Variants in PEAK1 observed in about 807,000 individuals in gnomAD.
The protein encoded by PEAK1 is pseudopodium enriched atypical kinase 1, also known as inactive tyrosine-protein kinase PEAK1.
In PEAK1, 54 loss-of-function variants were observed where a neutral mutation model predicts 124.7. The observed-to-expected ratio is 0.43, with a 90% confidence interval of 0.35 to 0.54. The LOEUF is 0.54. PEAK1 is among the 20% of genes least tolerant of loss of function. The pLI is 0.01. For missense variants in PEAK1, 2,046 were observed against 2,134.5 expected (o/e 0.96, Z 0.82); for synonymous variants, 719 against 760.0 (o/e 0.95, Z 0.89).
intron 2 of PEAK1, among the ~76,000 whole-genome samples, chr15:77,300,774 T>C (rs979563909): frequency 3.3e-5 from 5 of 152,226 alleles, no homozygotes; most frequent in African/African-American, 1.2e-4. Context: ...TTGTTTTTTA[T>C]GACTGTATTC....
At chr15:77,197,932 T>C (rs1465948839) in intron 6 of PEAK1, among the ~76,000 whole-genome samples, 2 of 151,768 alleles carry the variant, frequency 1.3e-5, no homozygotes, top group East Asian at 1.9e-4. Context: ...CCTAGAAATA[T>C]TAAAAAAATT....
At chr15:77,156,807 T>C (rs1471000105) in intron 8 of PEAK1, 3 of 152,258 alleles carry the variant, frequency 2.0e-5, no homozygotes, top group Non-Finnish European at 2.9e-5. Flanking sequence ...TGATATATTA[T>C]GCTGTCTGAG....
At chr15:77,404,281 C>T (rs1595861046) in intron 1 of PEAK1, 1 of 985,364 alleles carries the variant, frequency 1.0e-6, no homozygotes, top group Non-Finnish European at 1.2e-6. Flanking sequence ...AGAATACCTG[C>T]AAAGTGATAT....
At chr15:77,202,341 T>C (rs1012331256) in intron 6 of PEAK1, among the ~76,000 whole-genome samples, 3 of 152,206 alleles carry the variant, frequency 2.0e-5, no homozygotes, top group African/African-American at 7.2e-5. Flanking sequence ...TAACTACTAA[T>C]AGCCTGCTGC....
intron 8 of PEAK1, among the ~76,000 whole-genome samples, chr15:77,141,041 G>A (rs1257310574): frequency 2.0e-5 from 3 of 152,020 alleles, no homozygotes; most frequent in Non-Finnish European, 2.9e-5. Flanking sequence ...TCTAGTCAGG[G>A]ATATTAGGAA....
chr15:77,416,367 C>T (rs2072884830), intron 1 of PEAK1, among the ~76,000 whole-genome samples: 1 of 152,174 alleles, frequency 6.6e-6, no homozygotes, highest in Admixed American at 6.5e-5. Context: ...TATCCTGTCC[C>T]GTTAATAATA....
At chr15:77,353,694 A>C (rs2067337673) in intron 2 of PEAK1, among the ~76,000 whole-genome samples, 1 of 152,246 alleles carries the variant, frequency 6.6e-6, no homozygotes, top group Non-Finnish European at 1.5e-5. Context: ...AAGGTAAAAA[A>C]AGAGATGACC....
chr15:77,322,876 A>G lies in PEAK1; in HGVS notation c.-602-36372T>C, dbSNP rs1192482002. ...TATCCCTGATGAACATCGATGCAAA[A>G]ATCCTCAATAAAATACTAGCAAACC... On this transcript the variant is annotated intron_variant, in intron 2 of 9. Transcript: ENST00000682557. Among the ~76,000 whole-genome samples the G allele has an allele frequency of 2.0e-5, 3 of 152,328 alleles. No homozygotes were observed. The East Asian group carries it at 5.8e-4, about 29-fold the overall frequency.
chr15:77,308,515 T>C (rs745962028), intron 2 of PEAK1, among the ~76,000 whole-genome samples: 7 of 152,118 alleles, frequency 4.6e-5, no homozygotes, highest in Non-Finnish European at 1.0e-4. Context: ...TTCAGTTATG[T>C]ATGCTTCTCC....
Position 77,357,645 on chromosome 15 carries a change from C to T in PEAK1, c.-603+7518G>A, listed in dbSNP as rs141430406. ...AAAATAAACTCCATATATATTGATG[C>T]ATATGTATGTTTGCAAAAATAATTT... On this transcript the variant is annotated intron_variant, in intron 2 of 9. Coordinates refer to ENST00000682557, the MANE Select transcript of PEAK1 (RefSeq NM_001385026.1). Among the ~76,000 whole-genome samples the T allele has an allele frequency of 4.6e-5, 7 of 152,270 alleles. No individual in the cohort carries two copies. The East Asian group carries it at 1.2e-3, about 25-fold the overall frequency.
chr15:77,349,092 T>C, intron 2 of PEAK1: 1 of 766,186 alleles, frequency 1.3e-6, no homozygotes, highest in Non-Finnish European at 1.6e-6. Context: ...CAGGCTAGAG[T>C]GCAGTGGTGT....
chr15:77,371,253 A>G (rs2068620352), intron 1 of PEAK1: 3 of 978,812 alleles, frequency 3.1e-6, no homozygotes, highest in Non-Finnish European at 2.4e-6. Context: ...CCTAGGGCCT[A>G]GTAGATGCTA....
rs577812244 is a variant in PEAK1, at chr15:77,243,759, C to T, written c.-115+8608G>A. 2.4e-3 allele frequency among the ~76,000 whole-genome samples: 360 copies of T among 152,128 alleles called. 18 individuals carry two copies. In the South Asian group the frequency reaches 0.072, roughly 30 times the overall value. ...CTGAGGTGGGCAGATCACCTGGGGT[C>T]GGGAGTACTAGACCAGCCTGACCAA... On this transcript the variant is annotated intron_variant, in intron 6 of 9. Transcript: ENST00000682557.
intron 1 of PEAK1, chr15:77,402,513 T>C (rs1026589460): frequency 6.2e-6 from 6 of 961,792 alleles, no homozygotes; most frequent in Non-Finnish European, 2.5e-6. Flanking sequence ...ATTATTAGTA[T>C]ATAATTATCA....
chr15:77,202,235 T>C (rs764768519), intron 6 of PEAK1, among the ~76,000 whole-genome samples: 1 of 152,174 alleles, frequency 6.6e-6, no homozygotes, highest in African/African-American at 2.4e-5. Context: ...AATTTAGCAC[T>C]AGATTATTTC....
chr15:77,419,517 G>A (rs906372048), intron 1 of PEAK1: 1 of 985,126 alleles, frequency 1.0e-6, no homozygotes, highest in South Asian at 4.7e-5. Flanking sequence ...CCGTCCCGAC[G>A]CTGCCGGCGA....
intron 6 of PEAK1, among the ~76,000 whole-genome samples, chr15:77,184,988 G>T (rs1472871593): frequency 6.6e-6 from 1 of 152,178 alleles, no homozygotes; most frequent in Non-Finnish European, 1.5e-5. Flanking sequence ...CTGCTATGTA[G>T]AAAATGGACT....
chr15:77,295,136 A>G (rs1193998293), intron 2 of PEAK1, among the ~76,000 whole-genome samples: 1 of 152,146 alleles, frequency 6.6e-6, no homozygotes, highest in Non-Finnish European at 1.5e-5. Context: ...TAAGCTTATA[A>G]AAAGTACCAC....
chr15:77,397,051 T>C (rs2070946130), intron 1 of PEAK1, among the ~76,000 whole-genome samples: 1 of 152,224 alleles, frequency 6.6e-6, no homozygotes, highest in Non-Finnish European at 1.5e-5. Flanking sequence ...GGATAGGTCA[T>C]ATGTTAGGCC....
Sources: gnomAD v4.1 joint callset for allele counts (sites outside exome capture counted in the v4.1 genomes callset) on GRCh38, gnomAD v4.1.1 for gene constraint, MANE v1.5 for transcripts, NCBI Gene and HGNC (gene_info 2026-07-23, HGNC 2026-07-21) for gene names.